TOMM20: variants seen among roughly 807,000 people sequenced by gnomAD.
TOMM20 encodes the protein mitochondrial import receptor subunit TOM20 homolog.
A neutral mutation model predicts 22.1 loss-of-function variants in TOMM20; 10 were observed. That is an observed-to-expected ratio of 0.45 (90% CI 0.28 to 0.77). The LOEUF (loss-of-function observed/expected upper bound fraction) is 0.77, where lower values mean the gene tolerates loss of function less well. TOMM20 is among the 30% of genes least tolerant of loss of function. TOMM20 has a pLI of 0.13. For missense variants in TOMM20, 121 were observed against 172.2 expected, an observed-to-expected ratio of 0.70 and a Z score of 1.66; for synonymous variants, 55 against 61.4, an observed-to-expected ratio of 0.90 and a Z score of 0.49.
chr1:235,127,289 G>T (rs1291302228), intron 1 of TOMM20, among the ~76,000 whole-genome samples: 1 of 152,158 alleles, frequency 6.6e-6, no homozygotes, highest in African/African-American at 2.4e-5. Flanking sequence ...GAGGTAGGTG[G>T]CATTACCTGA....
chr1:235,127,785 T>C (rs758925958), intron 1 of TOMM20: 3 of 508,330 alleles, frequency 5.9e-6, no homozygotes, highest in African/African-American at 1.9e-5. Context: ...GATTCCCCTC[T>C]GGTAGACCTC....
At chr1:235,116,733 C>G (rs760228536) in intron 3 of TOMM20, among the ~76,000 whole-genome samples, 37 of 151,812 alleles carry the variant, frequency 2.4e-4, no homozygotes, top group Non-Finnish European at 3.2e-4. Flanking sequence ...AAACAAAACA[C>G]CTCAGACCTT....
At chr1:235,116,376 T>C (rs1015228703) in intron 3 of TOMM20, among the ~76,000 whole-genome samples, 1 of 151,788 alleles carries the variant, frequency 6.6e-6, no homozygotes, top group Admixed American at 6.6e-5. Context: ...CGGTCTCTAC[T>C]AAAAATACAA....
chr1:235,125,699 A>T (rs188494070), intron 1 of TOMM20, among the ~76,000 whole-genome samples: 266 of 152,204 alleles, frequency 1.7e-3, no homozygotes, highest in African/African-American at 6.2e-3. Context: ...ACAAAGGCAA[A>T]ATACCCCTAA....
rs1220669502 is a variant in TOMM20, at chr1:235,122,083, T to TAGAAAAAA, written c.168+242_168+243insTTTTTTCT. Among the ~76,000 whole-genome samples the TAGAAAAAA allele has an allele frequency of 7.0e-3, 1,070 of 152,334 alleles. 15 individuals carry two copies. Among genetic ancestry groups the TAGAAAAAA allele is most frequent in the African/African-American group, 0.025 (1,019 of 41,562 alleles). On this transcript the variant is annotated intron_variant, in intron 2 of 4. Transcript: ENST00000366607. ...TGAGGCCCTCATCTTGCTCCTTAAT[T>TAGAAAAAA]ATTGTTCATACAGTAAGCTGTTTGT... is the stretch of plus-strand genomic sequence containing the variant.
At chr1:235,122,231 C>T in intron 2 of TOMM20, 95 bp downstream of exon 2, 3 of 1,175,140 alleles carry the variant, frequency 2.6e-6, no homozygotes, top group Non-Finnish European at 3.5e-6. Flanking sequence ...TATCAACTAG[C>T]TTTTTCCAAT....
intron 2 of TOMM20, among the ~76,000 whole-genome samples, chr1:235,120,272 TTTTG>T (rs1660907927): frequency 6.6e-6 from 1 of 152,174 alleles, no homozygotes; most frequent in Non-Finnish European, 1.5e-5. Context: ...ATTTTGTTGT[TTTTG>T]TTTTTTTGTT....
chr1:235,116,932 G>T (rs373051275), intron 3 of TOMM20, among the ~76,000 whole-genome samples: 2 of 149,938 alleles, frequency 1.3e-5, no homozygotes, highest in African/African-American at 2.5e-5. Flanking sequence ...TCAGGAGATC[G>T]AGACCATCCT....
intron 3 of TOMM20, among the ~76,000 whole-genome samples, chr1:235,119,105 G>A (rs1660883112): frequency 6.6e-6 from 1 of 152,134 alleles, no homozygotes; most frequent in Non-Finnish European, 1.5e-5. Flanking sequence ...TTTGATAGCA[G>A]TTTTAATAAC....
At chr1:235,117,958 T>C (rs929121666) in intron 3 of TOMM20, among the ~76,000 whole-genome samples, 2 of 152,216 alleles carry the variant, frequency 1.3e-5, no homozygotes, top group African/African-American at 2.4e-5. Flanking sequence ...GAAATGATGA[T>C]GTAGTGATAC....
chr1:235,123,263 G>T (rs1380237888), intron 1 of TOMM20, among the ~76,000 whole-genome samples: 1 of 152,170 alleles, frequency 6.6e-6, no homozygotes, highest in Non-Finnish European at 1.5e-5. Flanking sequence ...GAGCCAGGCA[G>T]ATCACAAGGT....
chr1:235,112,247 A>T, intron 4 of TOMM20, 139 bp from the exon 5 acceptor site: 1 of 689,562 alleles, frequency 1.5e-6, no homozygotes, highest in Non-Finnish European at 2.4e-6. Context: ...TTCAAAATGT[A>T]ACACTTTACA....
chr1:235,116,906 C>T (rs28565332), intron 3 of TOMM20, among the ~76,000 whole-genome samples: 59 of 151,958 alleles, frequency 3.9e-4, no homozygotes, highest in South Asian at 3.7e-3. Context: ...GAGGCCAAGG[C>T]GGGCGGATCA....
intron 2 of TOMM20, among the ~76,000 whole-genome samples, chr1:235,120,171 C>A (rs932045303): frequency 1.3e-5 from 2 of 152,188 alleles, no homozygotes; most frequent in Non-Finnish European, 2.9e-5. Flanking sequence ...ATACCGTCTA[C>A]GCACGTTACA....
chr1:235,113,815 G>C lies in TOMM20; in HGVS notation c.346C>G (p.Pro116Ala), dbSNP rs1032462646. Reference protein sequence around the residue: ...LLQVLQQTLPPPVFQMLLTKL... With the variant: ...LLQVLQQTLPAPVFQMLLTKL... ...GTCAGAAGCATCTGGAACACTGGTGGTGGAAGAGTTTGCTGTAAGACCTGC... is the reference window on the plus strand; with the variant it reads ...GTCAGAAGCATCTGGAACACTGGTGCTGGAAGAGTTTGCTGTAAGACCTGC... Residue 116 changes from proline (P) to alanine (A), a missense_variant, in exon 4 of 5, where the codon CCA becomes GCA. By Grantham distance (27) the Pro-to-Ala change is conservative. Coordinates refer to ENST00000366607, the MANE Select transcript of TOMM20 (RefSeq NM_014765.3). 1.2e-6 allele frequency: 2 copies of C among 1,613,556 alleles called. No homozygotes were observed. The highest frequency in any genetic ancestry group is 1.8e-4 in the Middle Eastern group (1 of 5,698).
rs1661078405 is a variant in TOMM20, at chr1:235,128,615, A to T, written c.101T>A (p.Phe34Tyr). Residue 34 changes from phenylalanine to tyrosine, a missense_variant, in exon 1 of 5, where the codon TTC becomes TAC. Coordinates refer to ENST00000366607, the MANE Select transcript of TOMM20 (RefSeq NM_014765.3). ...CTCACGTTCTCGAAGCCTGTTCTTG[A>T]AGTTGGGGTCACTTCGTCTTTTGCG... ...FDRKRRSDPN[F>Y]KNRLRERRKK... 6.2e-7 allele frequency: 1 copy of T among 1,612,954 alleles called. No homozygotes were observed. The highest frequency in any genetic ancestry group is 1.7e-5 in the Admixed American group (1 of 60,008).
intron 4 of TOMM20, 30 bp downstream of exon 4, chr1:235,113,738 C>G: frequency 6.3e-7 from 1 of 1,585,242 alleles, no homozygotes; most frequent in Non-Finnish European, 8.6e-7. Flanking sequence ...ATCCCACTCA[C>G]TTTTATGTCA....
chr1:235,120,869 CAAA>C (rs752792267), intron 2 of TOMM20, among the ~76,000 whole-genome samples: 3 of 100,214 alleles, frequency 3.0e-5, no homozygotes, highest in Non-Finnish European at 3.9e-5. Context: ...GACCCTGTCT[CAAA>C]AAAAAAAAAA....
rs1572125499 is a variant in TOMM20 at position 235,111,992 on chromosome 1, C to G, written c.*72G>C. 1 of 1,337,100 alleles carries G rather than the reference C, an allele frequency of 7.5e-7. No individual in the cohort carries two copies. Among genetic ancestry groups the G allele is most frequent in the Non-Finnish European group, 1.1e-6 (1 of 940,422 alleles). 82.8% of individuals were successfully genotyped at this position (1,337,100 alleles called of 1,614,324 possible). ...AACAAGCATATTTGCCCTTATTCCC[C>G]CAGAGCTGCTCAACTACCAAGAATT... On this transcript the variant is annotated 3_prime_UTR_variant, in exon 5 of 5. Transcript: ENST00000366607.
Sources: allele counts gnomAD v4.1 joint callset (sites outside exome capture counted in the v4.1 genomes callset), GRCh38; gene constraint gnomAD v4.1.1; transcripts MANE v1.5; gene names NCBI Gene and HGNC (gene_info 2026-07-23, HGNC 2026-07-21).